Variants in ADGRG1 observed in about 807,000 individuals in gnomAD.
ADGRG1 encodes adhesion G protein-coupled receptor G1.
In ADGRG1, 53 loss-of-function variants were observed where a neutral mutation model predicts 73.5. The observed-to-expected ratio is 0.72, with a 90% CI of 0.58 to 0.91. ADGRG1 has a LOEUF of 0.91. Among genes scored for constraint, ADGRG1 ranks in the 40% least tolerant of loss-of-function variants. The pLI is 0.00. For missense variants in ADGRG1, 795 were observed against 871.8 expected, an observed-to-expected ratio of 0.91 and a Z score of 1.11; for synonymous variants, 394 against 374.4, an observed-to-expected ratio of 1.05 and a Z score of -0.60.
chr16:57,631,567 C>A, intron 1 of ADGRG1: 1 of 985,454 alleles, frequency 1.0e-6, no homozygotes, highest in Non-Finnish European at 1.2e-6. Context: ...CAGCCCCCGT[C>A]CCCATGCTGG....
intron 1 of ADGRG1, chr16:57,642,178 C>T: frequency 4.1e-6 from 4 of 985,436 alleles, no homozygotes; most frequent in Non-Finnish European, 4.8e-6. Flanking sequence ...ACAGGCCCAG[C>T]TGGCCACGGC....
At chr16:57,642,085 C>T (rs2040988782) in intron 1 of ADGRG1, 1 of 985,240 alleles carries the variant, frequency 1.0e-6, no homozygotes, top group African/African-American at 1.7e-5. Context: ...CTTTGATTCT[C>T]ATCTCCTAAA....
rs1254459083 is a variant in ADGRG1 at position 57,653,322 on chromosome 16, G to A, written c.607G>A (p.Ala203Thr). Residue 203 changes from alanine to threonine, a missense_variant, in exon 4 of 14, where the codon GCC becomes ACC. Physicochemically the swap from Ala to Thr is moderately conservative, Grantham distance 58. Coordinates refer to ENST00000562631, the MANE Select transcript of ADGRG1 (RefSeq NM_201525.4). ...GAAGGCCTCAAGGAGGCCCTCGGCT[G>A]CCCCCGCCAGCCAGTAAGTTTGGCA... is the stretch of plus-strand genomic sequence containing the variant. Reference protein sequence around the residue: ...PQKASRRPSAAPASQQLQSLE... With the variant: ...PQKASRRPSATPASQQLQSLE... 1.9e-6 allele frequency: 3 copies of A among 1,608,106 alleles called. No individual in the cohort carries two copies. Among genetic ancestry groups the A allele is most frequent in the Non-Finnish European group, 2.5e-6 (3 of 1,179,746 alleles).
chr16:57,646,603 A>G (rs1302333284), intron 1 of ADGRG1: 7 of 985,016 alleles, frequency 7.1e-6, no homozygotes, highest in African/African-American at 3.5e-5. Context: ...GCTACTCTCC[A>G]TTCTCCTCTC....
intron 1 of ADGRG1, chr16:57,632,439 T>A: frequency 1.7e-6 from 1 of 597,116 alleles, no homozygotes; most frequent in Non-Finnish European, 2.1e-6. Context: ...TGAAGAGAGT[T>A]GATAGAGGAA....
At position 57,651,597 on chromosome 16, in the gene ADGRG1, C is replaced by G. The variant is rs373133040; in HGVS notation, c.462C>G (p.Ala154=). 8.7e-6 allele frequency: 14 copies of G among 1,613,786 alleles called. No homozygotes were observed. The highest frequency in any genetic ancestry group is 1.2e-5 in the Non-Finnish European group (14 of 1,180,026). Reference sequence around the variant, plus strand: ...CTCAGAACATCAGCCTGCCCAGTGCCGCCAGCTTCACCTTCTCCTTCCACA... The same window carrying G: ...CTCAGAACATCAGCCTGCCCAGTGCGGCCAGCTTCACCTTCTCCTTCCACA... The part of the protein sequence containing the change: ...WSPQNISLPS[A]ASFTFSFHSP... The change falls in exon 3 of 14, where the codon GCC becomes GCG. Residue 154 remains alanine, a synonymous_variant. Transcript: ENST00000562631.
chr16:57,625,657 A>G, upstream of ADGRG1: 1 of 984,680 alleles, frequency 1.0e-6, no homozygotes, highest in African/African-American at 1.7e-5. Context: ...TAAAATACAC[A>G]TTCAGATTCA....
intron 1 of ADGRG1, chr16:57,646,769 G>A (rs2042757445): frequency 2.2e-6 from 2 of 916,458 alleles, no homozygotes; most frequent in Admixed American, 6.2e-5. Context: ...GTCCGCATCT[G>A]TAAAATGGTA....
At chr16:57,635,470 G>A in intron 1 of ADGRG1, 1 of 985,466 alleles carries the variant, frequency 1.0e-6, no homozygotes, top group Non-Finnish European at 1.2e-6. Context: ...GACAGCCAGT[G>A]TCTCTTCATG....
chr16:57,657,316 G>A (rs1323232890), intron 9 of ADGRG1, 57 bp from the exon 10 acceptor site: 7 of 1,611,898 alleles, frequency 4.3e-6, no homozygotes, highest in Non-Finnish European at 5.1e-6. Flanking sequence ...CGCAGGGCAA[G>A]CCTCCAGGTT....
chr16:57,656,693 T>A, intron 9 of ADGRG1, 76 bp downstream of exon 9: 2 of 898,092 alleles, frequency 2.2e-6, no homozygotes, highest in South Asian at 2.6e-5. Context: ...TTTCATATAT[T>A]CAGTCATTTA....
At chr16:57,641,533 G>A in intron 1 of ADGRG1, 1 of 980,472 alleles carries the variant, frequency 1.0e-6, no homozygotes, top group Non-Finnish European at 1.2e-6. Flanking sequence ...TCTCCTTTAG[G>A]TTCTAAGTCT....
Position 57,650,349 on chromosome 16 carries a change from A to G in ADGRG1, c.62A>G (p.Gln21Arg). ...LFLLSLLFLV[Q>R]GAHGRGHRED... ...CTGCTGAGTCTGCTCTTCCTGGTCC[A>G]AGGCAGGTCTTCCCAGGGGTGCCCT... Residue 21 changes from glutamine (Q) to arginine (R), a missense_variant and splice_region_variant, in exon 2 of 14, where the codon CAA becomes CGA. By Grantham distance (43) the Gln-to-Arg change is conservative. Transcript: ENST00000562631. 6.2e-7 allele frequency: 1 copy of G among 1,611,932 alleles called. No individual in the cohort carries two copies. Among genetic ancestry groups the G allele is most frequent in the Non-Finnish European group, 8.5e-7 (1 of 1,177,984 alleles).
At chr16:57,645,074 C>G (rs1392829252) in intron 1 of ADGRG1, 1 of 985,318 alleles carries the variant, frequency 1.0e-6, no homozygotes, top group Non-Finnish European at 1.2e-6. Flanking sequence ...CACACACACC[C>G]ACATGCCTGT....
intron 11 of ADGRG1, 82 bp from the exon 12 acceptor site, chr16:57,660,685 GC>G: frequency 6.7e-7 from 1 of 1,502,012 alleles, no homozygotes; most frequent in Non-Finnish European, 9.1e-7. Flanking sequence ...AGGGGCCCTT[GC>G]CCTCCAGACT....
At chr16:57,637,447 G>T in intron 1 of ADGRG1, 2 of 985,270 alleles carry the variant, frequency 2.0e-6, no homozygotes, top group East Asian at 2.3e-4. Flanking sequence ...AAAAGGCGTG[G>T]TGTGCCTCGT....
intron 3 of ADGRG1, chr16:57,652,545 C>A: frequency 1.2e-6 from 1 of 808,862 alleles, no homozygotes; most frequent in Non-Finnish European, 1.5e-6. Flanking sequence ...AATTGGCATT[C>A]TGAAGACCAG....
chr16:57,658,667 C>G (rs907126972), intron 10 of ADGRG1, among the ~76,000 whole-genome samples: 17 of 152,096 alleles, frequency 1.1e-4, no homozygotes, highest in African/African-American at 4.1e-4. Context: ...TCCTCAACAC[C>G]CAGTTGCTCA....
chr16:57,663,675 T>A lies in ADGRG1; in HGVS notation c.*93T>A. 1 of 1,422,170 alleles carries A rather than the reference T, an allele frequency of 7.0e-7. No homozygotes were observed. Among genetic ancestry groups the A allele is most frequent in the Non-Finnish European group, 9.8e-7 (1 of 1,021,038 alleles). 88.1% of individuals were successfully genotyped at this position (1,422,170 alleles called of 1,614,324 possible). On this transcript the variant is annotated 3_prime_UTR_variant, in exon 14 of 14. Transcript: ENST00000562631. The stretch of plus-strand genomic sequence containing the variant: ...CGAGCCCGGCCCAGCCCCAGGCCAG[T>A]CAGCCGCAGACTTTGGAAAGCCCAA...
Sources: allele counts gnomAD v4.1 joint callset (sites outside exome capture counted in the v4.1 genomes callset), GRCh38; gene constraint gnomAD v4.1.1; transcripts MANE v1.5; gene names NCBI Gene and HGNC (gene_info 2026-07-23, HGNC 2026-07-21).